The following ANO6 variants were observed in gnomAD, a reference collection of about 807,000 sequenced individuals.
ANO6 encodes the protein anoctamin 6.
ANO6 carries 106 observed loss-of-function variants against 117.5 expected under a neutral mutation model. The ratio of observed to expected loss-of-function variants is 0.90; its 90% confidence interval spans 0.77 to 1.06. ANO6 has a LOEUF of 1.06. Ranked by LOEUF, ANO6 falls within the 50% of genes least tolerant of loss-of-function variation. The pLI is 0.00. For synonymous variants in ANO6, 367 were observed against 385.1 expected (o/e 0.95, Z 0.55); for missense variants, 955 against 1,121.1 (o/e 0.85, Z 2.12).
chr12:45,336,923 A>T (rs1291950964), intron 3 of ANO6, among the ~76,000 whole-genome samples: 2 of 152,046 alleles, frequency 1.3e-5, no homozygotes, highest in Non-Finnish European at 2.9e-5. Flanking sequence ...TTCCAGTGAG[A>T]CAAGATGTGG....
At chr12:45,295,530 G>A (rs1939260526) in intron 1 of ANO6, among the ~76,000 whole-genome samples, 1 of 152,094 alleles carries the variant, frequency 6.6e-6, no homozygotes, top group African/African-American at 2.4e-5. Flanking sequence ...GTATGTGGCT[G>A]CTTTTACTCT....
chr12:45,425,148 C>A (rs544069265), intron 19 of ANO6, among the ~76,000 whole-genome samples: 1 of 147,344 alleles, frequency 6.8e-6, no homozygotes, highest in East Asian at 2.1e-4. Context: ...AATGGAACTT[C>A]TAGAAATTAA....
chr12:45,280,276 G>A (rs1938681948), intron 1 of ANO6, among the ~76,000 whole-genome samples: 1 of 152,132 alleles, frequency 6.6e-6, no homozygotes, highest in South Asian at 2.1e-4. Context: ...AAGTGGACAT[G>A]GCATGTCACC....
chr12:45,428,974 G>T, intron 19 of ANO6, 131 bp from the exon 20 acceptor site: 1 of 1,017,050 alleles, frequency 9.8e-7, no homozygotes, highest in Non-Finnish European at 1.5e-6. Context: ...TGGCATTAGC[G>T]GTTGGTTGTG....
intron 8 of ANO6, among the ~76,000 whole-genome samples, chr12:45,365,539 G>A (rs888696489): frequency 8.5e-5 from 13 of 152,288 alleles, no homozygotes; most frequent in African/African-American, 1.4e-4. Context: ...CAAATCCTGC[G>A]CATGGAGCTT....
Position 45,388,235 on chromosome 12 carries a change from C to T in ANO6, c.1240C>T (p.Gln414Ter). The T allele has an allele frequency of 1.2e-6, 2 of 1,614,100 alleles. No individual in the cohort carries two copies. Among genetic ancestry groups the T allele is most frequent in the Non-Finnish European group, 1.7e-6 (2 of 1,179,984 alleles). ...EYEWDTVELQ[Q>*]EEQARPEYEA... Reference sequence around the variant, plus strand: ...TGAATGGGATACTGTTGAGTTACAGCAGGAAGAACAAGCCCGACCAGAATA... The same window carrying T: ...TGAATGGGATACTGTTGAGTTACAGTAGGAAGAACAAGCCCGACCAGAATA... Residue 414 changes from glutamine to a stop codon, truncating the protein, a stop_gained, in exon 11 of 20, where the codon CAG (glutamine) becomes TAG (stop). Transcript: ENST00000320560. LOFTEE classifies it high-confidence loss of function.
At chr12:45,355,295 C>G (rs1266513838) in intron 7 of ANO6, among the ~76,000 whole-genome samples, 2 of 152,076 alleles carry the variant, frequency 1.3e-5, no homozygotes, top group African/African-American at 4.8e-5. Context: ...TCAGCAAGAA[C>G]TAAGAGACAG....
intron 7 of ANO6, among the ~76,000 whole-genome samples, chr12:45,353,314 T>C (rs1470667757): frequency 6.6e-6 from 1 of 152,208 alleles, no homozygotes; most frequent in African/African-American, 2.4e-5. Context: ...CTGTTTACCC[T>C]GTAAAATAAG....
chr12:45,425,990 G>C (rs1943491543), intron 19 of ANO6, among the ~76,000 whole-genome samples: 1 of 152,120 alleles, frequency 6.6e-6, no homozygotes, highest in African/African-American at 2.4e-5. Flanking sequence ...AACAAAACCA[G>C]TGTTTTTTCT....
At chr12:45,305,944 A>G (rs997952552) in intron 2 of ANO6, among the ~76,000 whole-genome samples, 2 of 152,106 alleles carry the variant, frequency 1.3e-5, no homozygotes, top group African/African-American at 2.4e-5. Context: ...GGGAGCAGTA[A>G]TGGTCAAGGC....
chr12:45,241,192 A>T (rs1947737383), intron 1 of ANO6, among the ~76,000 whole-genome samples: 1 of 152,220 alleles, frequency 6.6e-6, no homozygotes, highest in Admixed American at 6.5e-5. Context: ...TACACCAATC[A>T]AACATAGATT....
At chr12:45,372,179 T>C (rs1401648528) in intron 9 of ANO6, among the ~76,000 whole-genome samples, 1 of 151,608 alleles carries the variant, frequency 6.6e-6, no homozygotes, top group Non-Finnish European at 1.5e-5. Context: ...TAAAAAGAAA[T>C]GAGCAAAGCC....
intron 10 of ANO6, 121 bp from the exon 11 acceptor site, chr12:45,388,040 A>G (rs967284010): frequency 7.8e-7 from 1 of 1,277,002 alleles, no homozygotes; most frequent in Admixed American, 1.7e-5. Context: ...CAGTCCAGGT[A>G]GTTCTTTATA....
chr12:45,283,789 T>C (rs1938818634), intron 1 of ANO6, among the ~76,000 whole-genome samples: 1 of 152,172 alleles, frequency 6.6e-6, no homozygotes, highest in Non-Finnish European at 1.5e-5. Context: ...TCTAATACCT[T>C]AATGTCACCG....
At chr12:45,363,716 T>C (rs1460091684) in intron 8 of ANO6, among the ~76,000 whole-genome samples, 1 of 152,176 alleles carries the variant, frequency 6.6e-6, no homozygotes, top group Non-Finnish European at 1.5e-5. Flanking sequence ...GATAATTGAA[T>C]CATGTGGGCA....
intron 1 of ANO6, among the ~76,000 whole-genome samples, chr12:45,235,791 C>T (rs1280865198): frequency 2.0e-5 from 3 of 152,148 alleles, no homozygotes; most frequent in Admixed American, 6.5e-5. Flanking sequence ...TTTTTCCTTC[C>T]CTCCCTCACA....
At chr12:45,239,550 G>A (rs950646500) in intron 1 of ANO6, among the ~76,000 whole-genome samples, 3 of 150,986 alleles carry the variant, frequency 2.0e-5, no homozygotes, top group African/African-American at 7.3e-5. Context: ...GTTTCCTTTA[G>A]TTCTGCTCTG....
Position 45,302,334 on chromosome 12 carries a change from G to A in ANO6, c.150+241G>A, listed in dbSNP as rs115289308. 7.1e-3 allele frequency among the ~76,000 whole-genome samples: 1,083 copies of A among 152,294 alleles called. 16 individuals carry two copies. The highest frequency in any genetic ancestry group is 0.025 in the African/African-American group (1,044 of 41,556). On this transcript the variant is annotated intron_variant, in intron 2 of 19. Transcript: ENST00000320560. Reference sequence around the variant, plus strand: ...ATATTGTTCATGTAATTGCAAATGGGAGTTCACTTTGTAATAAAATAGCAT... The same window carrying A: ...ATATTGTTCATGTAATTGCAAATGGAAGTTCACTTTGTAATAAAATAGCAT...
intron 19 of ANO6, among the ~76,000 whole-genome samples, chr12:45,428,380 A>G (rs1434959016): frequency 1.3e-5 from 2 of 152,178 alleles, no homozygotes; most frequent in Non-Finnish European, 2.9e-5. Flanking sequence ...TGGAAGGCCA[A>G]GTTGGGAGGA....
Sources: allele counts gnomAD v4.1 joint callset (sites outside exome capture counted in the v4.1 genomes callset), GRCh38; gene constraint gnomAD v4.1.1; transcripts MANE v1.5; gene names NCBI Gene and HGNC (gene_info 2026-07-23, HGNC 2026-07-21).